CNTNAP2: variants seen among roughly 807,000 people sequenced by gnomAD.
CNTNAP2 encodes contactin associated protein 2, also known as contactin-associated protein-like 2.
A neutral mutation model predicts 155.2 loss-of-function variants in CNTNAP2; 98 were observed. That is an observed-to-expected ratio of 0.63 (90% CI 0.54 to 0.75). The LOEUF (loss-of-function observed/expected upper bound fraction) is 0.75. CNTNAP2 is among the 30% of genes least tolerant of loss of function. The pLI is 0.00. For synonymous variants in CNTNAP2, 651 were observed against 631.2 expected, an observed-to-expected ratio of 1.03 and a Z score of -0.47; for missense variants, 1,727 against 1,688.1, an observed-to-expected ratio of 1.02 and a Z score of -0.40.
In CNTNAP2 at chr7:147,940,758, G is replaced by A. The variant is rs371335758; in HGVS notation, c.2255+37037G>A. On this transcript the variant is annotated intron_variant, in intron 14 of 23. Transcript: ENST00000361727. ...CCTGTTGCCCAGGATGGTTGGTCTA[G>A]AATTCCTGGGCTCAAGCGATCCTCC... Among the ~76,000 whole-genome samples, 9 of 152,074 alleles carry A rather than the reference G, an allele frequency of 5.9e-5. No homozygotes were observed. The East Asian group carries it at 1.7e-3, about 29-fold the overall frequency.
In CNTNAP2 at chr7:147,559,299, G is replaced by C. The variant is rs535019992; in HGVS notation, c.1778-2839G>C. Among the ~76,000 whole-genome samples, 114 of 152,356 alleles carry C rather than the reference G, an allele frequency of 7.5e-4. No individual in the cohort carries two copies. In the East Asian group the frequency reaches 0.01, roughly 14 times the overall value. On this transcript the variant is annotated intron_variant, in intron 11 of 23. Coordinates refer to ENST00000361727, the MANE Select transcript of CNTNAP2 (RefSeq NM_014141.6). ...GCGAGCTCCTGTGGGGAATTTGCCT[G>C]ACCAGAGCACAACATTCACATTGGC...
intron 8 of CNTNAP2, among the ~76,000 whole-genome samples, chr7:147,200,525 C>G (rs1802901236): frequency 1.3e-5 from 2 of 152,128 alleles, no homozygotes; most frequent in African/African-American, 2.4e-5. Context: ...CCAAAGCTGC[C>G]CAACATACAC....
chr7:148,268,298 C>T (rs536824999), intron 21 of CNTNAP2, among the ~76,000 whole-genome samples: 2 of 152,146 alleles, frequency 1.3e-5, no homozygotes, highest in South Asian at 2.1e-4. Flanking sequence ...GGTAAAAATG[C>T]TCACTTAAAA....
intron 17 of CNTNAP2, among the ~76,000 whole-genome samples, chr7:148,171,461 A>G (rs1189826873): frequency 6.6e-6 from 1 of 152,180 alleles, no homozygotes; most frequent in Non-Finnish European, 1.5e-5. Context: ...ACACAATTAA[A>G]TCCATTTGTG....
chr7:148,022,750 T>C (rs1027286498), intron 15 of CNTNAP2, among the ~76,000 whole-genome samples: 2 of 152,108 alleles, frequency 1.3e-5, no homozygotes, highest in African/African-American at 2.4e-5. Context: ...TGTCTAATGC[T>C]CTCGTCTCCC....
intron 1 of CNTNAP2, among the ~76,000 whole-genome samples, chr7:146,547,099 C>G (rs918109388): frequency 6.6e-6 from 1 of 151,890 alleles, no homozygotes; most frequent in Non-Finnish European, 1.5e-5. Context: ...TCTGAAAGCC[C>G]AAATTTCACA....
intron 1 of CNTNAP2, among the ~76,000 whole-genome samples, chr7:146,687,963 A>G (rs1358081468): frequency 6.6e-6 from 1 of 152,136 alleles, no homozygotes; most frequent in African/African-American, 2.4e-5. Flanking sequence ...TTCCCAAGAT[A>G]ATCAACTGGG....
intron 1 of CNTNAP2, among the ~76,000 whole-genome samples, chr7:146,622,065 CAG>C (rs1284708851): frequency 6.6e-6 from 1 of 151,898 alleles, no homozygotes; most frequent in African/African-American, 2.4e-5. Flanking sequence ...TGCATCACTA[CAG>C]AGTTTTTGAA....
chr7:146,137,046 G>A (rs1401009175), intron 1 of CNTNAP2, among the ~76,000 whole-genome samples: 1 of 152,086 alleles, frequency 6.6e-6, no homozygotes. Flanking sequence ...GAAAATGTTG[G>A]ATACAGCTCA....
intron 9 of CNTNAP2, among the ~76,000 whole-genome samples, chr7:147,373,334 T>A (rs985461463): frequency 5.9e-5 from 9 of 152,110 alleles, no homozygotes; most frequent in African/African-American, 2.2e-4. Context: ...TCAAAAAATG[T>A]CTGTCTTACT....
At chr7:147,097,163 T>C (rs1467013137) in intron 4 of CNTNAP2, among the ~76,000 whole-genome samples, 1 of 152,152 alleles carries the variant, frequency 6.6e-6, no homozygotes, top group Non-Finnish European at 1.5e-5. Context: ...GCACAGAAAG[T>C]AAAATAAATA....
At chr7:146,684,885 C>T (rs906441305) in intron 1 of CNTNAP2, among the ~76,000 whole-genome samples, 2 of 152,012 alleles carry the variant, frequency 1.3e-5, no homozygotes, top group African/African-American at 2.4e-5. Flanking sequence ...GTCCCTAGAG[C>T]TGTAAGCCAT....
At chr7:147,871,756 T>G (rs1230237689) in intron 13 of CNTNAP2, among the ~76,000 whole-genome samples, 1 of 152,036 alleles carries the variant, frequency 6.6e-6, no homozygotes, top group Non-Finnish European at 1.5e-5. Flanking sequence ...CTATCCACTC[T>G]TCTTCACTTT....
chr7:146,731,015 C>T (rs552044889), intron 1 of CNTNAP2, among the ~76,000 whole-genome samples: 9 of 152,272 alleles, frequency 5.9e-5, no homozygotes, highest in African/African-American at 2.2e-4. Context: ...AAACTCATGA[C>T]ATTTTCCAGC....
chr7:147,880,856 T>TGG (rs1799507604), intron 13 of CNTNAP2, among the ~76,000 whole-genome samples: 1 of 51,730 alleles, frequency 1.9e-5, no homozygotes, highest in Non-Finnish European at 3.8e-5. Flanking sequence ...TGGAGTTGGG[T>TGG]GTGTGTGTGT....
At chr7:148,155,565 G>A (rs1318293215) in intron 17 of CNTNAP2, among the ~76,000 whole-genome samples, 1 of 152,152 alleles carries the variant, frequency 6.6e-6, no homozygotes, top group African/African-American at 2.4e-5. Context: ...ACCCTCCCGT[G>A]GAGGGGAGAC....
chr7:147,587,166 T>G (rs2116837255), intron 12 of CNTNAP2, among the ~76,000 whole-genome samples: 1 of 152,290 alleles, frequency 6.6e-6, no homozygotes, highest in East Asian at 1.9e-4. Context: ...CTTCATTAGG[T>G]GTTGCTCTCT....
At chr7:146,507,517 G>C (rs566261121) in intron 1 of CNTNAP2, among the ~76,000 whole-genome samples, 1 of 152,278 alleles carries the variant, frequency 6.6e-6, no homozygotes, top group East Asian at 1.9e-4. Flanking sequence ...GCCAAATGGA[G>C]CACAAATGCT....
chr7:148,216,058 T>A (rs1026529278), intron 18 of CNTNAP2, among the ~76,000 whole-genome samples: 7 of 152,222 alleles, frequency 4.6e-5, no homozygotes, highest in Admixed American at 4.6e-4. Context: ...AAGGCCCTTG[T>A]AGAAGGCCGT....
Sources: gnomAD v4.1 joint callset for allele counts (sites outside exome capture counted in the v4.1 genomes callset) on GRCh38, gnomAD v4.1.1 for gene constraint, MANE v1.5 for transcripts, NCBI Gene and HGNC (gene_info 2026-07-23, HGNC 2026-07-21) for gene names.